BRD1: variants seen among roughly 807,000 people sequenced by gnomAD.
The protein encoded by BRD1 is bromodomain-containing protein 1.
BRD1 carries 24 observed loss-of-function variants against 107.7 expected under a neutral mutation model. That is an observed-to-expected ratio of 0.22 (90% CI 0.16 to 0.31). The LOEUF is 0.31. BRD1 is among the 10% of genes least tolerant of loss of function. The pLI is 1.00. For synonymous variants in BRD1, 744 were observed against 686.1 expected (o/e 1.08, Z -1.32); for missense variants, 1,279 against 1,638.6 (o/e 0.78, Z 3.79).
intron 11 of BRD1, 83 bp downstream of exon 11, chr22:49,775,967 C>T (rs1310626054): frequency 4.4e-5 from 51 of 1,149,936 alleles, no homozygotes; most frequent in Non-Finnish European, 5.9e-5. Context: ...TGGACCACCG[C>T]CGTGAGCCTC....
chr22:49,813,359 G>T (rs1966142410), intron 2 of BRD1, among the ~76,000 whole-genome samples: 1 of 151,948 alleles, frequency 6.6e-6, no homozygotes, highest in African/African-American at 2.4e-5. Flanking sequence ...TAGTAGCTGG[G>T]ACTACAGGTG....
chr22:49,797,716 T>C (rs1395875330), intron 6 of BRD1, 89 bp downstream of exon 6: 5 of 1,382,614 alleles, frequency 3.6e-6, no homozygotes, highest in South Asian at 1.5e-5. Context: ...TCCCGGACCA[T>C]GCTGATAGGG....
chr22:49,775,972 A>G (rs2059089335), intron 11 of BRD1, 78 bp downstream of exon 11: 9 of 1,254,510 alleles, frequency 7.2e-6, no homozygotes, highest in Non-Finnish European at 9.7e-6. Context: ...CACCGCCGTG[A>G]GCCTCCTCGG....
chr22:49,798,653 G>C lies in BRD1; in HGVS notation c.1690C>G (p.Leu564Val). The stretch of plus-strand genomic sequence containing the variant: ...CGCAGCAGCACCGTCAGCGGGGTCA[G>C]CCGCAGCTCCATGGCGACCTGCTCC... ...KVEQVAMELR[L>V]TPLTVLLRSV... The change falls in exon 5 of 13, where the codon CTG becomes GTG. Residue 564 changes from leucine (L) to valine (V), a missense_variant. Leu to Val is a conservative substitution (Grantham distance 32, BLOSUM62 1). Around this residue, in one of 7 missense-constraint regions of BRD1, gnomAD observed 406 missense variants for 519.4 expected, o/e 0.78. Transcript: ENST00000404760. 2 of 1,612,538 alleles carry C rather than the reference G, an allele frequency of 1.2e-6. No homozygotes were observed. Among genetic ancestry groups the C allele is most frequent in the Non-Finnish European group, 1.7e-6 (2 of 1,179,416 alleles).
At chr22:49,793,933 G>A in intron 7 of BRD1, 101 bp downstream of exon 7, 2 of 1,475,206 alleles carry the variant, frequency 1.4e-6, no homozygotes, top group Non-Finnish European at 1.8e-6. Flanking sequence ...GAGCCTCCGT[G>A]CACACCAACG....
chr22:49,784,347 C>A (rs1369458790), intron 8 of BRD1, among the ~76,000 whole-genome samples: 1 of 152,010 alleles, frequency 6.6e-6, no homozygotes, highest in Non-Finnish European at 1.5e-5. Flanking sequence ...AGCACGTGCA[C>A]ACAGAGACTC....
At chr22:49,774,913 T>C (rs1287610134) in intron 12 of BRD1, among the ~76,000 whole-genome samples, 7 of 152,290 alleles carry the variant, frequency 4.6e-5, no homozygotes, top group African/African-American at 1.4e-4. Context: ...AGGCACACCA[T>C]AGGCAGGTGG....
At chr22:49,781,767 A>G (rs890488778) in intron 8 of BRD1, among the ~76,000 whole-genome samples, 2 of 152,284 alleles carry the variant, frequency 1.3e-5, no homozygotes, top group African/African-American at 2.4e-5. Context: ...TCCTGTTTTC[A>G]GTTTCACTTT....
At chr22:49,809,342 C>A (rs1254926883) in intron 2 of BRD1, among the ~76,000 whole-genome samples, 3 of 151,996 alleles carry the variant, frequency 2.0e-5, no homozygotes, top group African/African-American at 7.3e-5. Context: ...GAGTTCAAGA[C>A]CAGCCTAGCC....
In BRD1 at chr22:49,774,151, G is replaced by C. The variant is rs1320184433; in HGVS notation, c.*82C>G. ...ATTAAAGAGCTATAACTAAAAATCAGAATAAGTTAAGTTTTGAACAATATA... is the reference window on the plus strand; with the variant it reads ...ATTAAAGAGCTATAACTAAAAATCACAATAAGTTAAGTTTTGAACAATATA... On this transcript the variant is annotated 3_prime_UTR_variant, in exon 13 of 13. Coordinates refer to ENST00000404760, the MANE Select transcript of BRD1 (RefSeq NM_001304808.3). 1 of 1,441,402 alleles carries C rather than the reference G, an allele frequency of 6.9e-7. No homozygotes were observed. The highest frequency in any genetic ancestry group is 1.4e-5 in the African/African-American group (1 of 69,138). The allele number at this position is 1,441,402 out of a possible 1,614,324, so 89.3% of individuals were successfully genotyped here.
chr22:49,807,566 A>G lies in BRD1; in HGVS notation c.1368-3206T>C, dbSNP rs935802543. ...CAGGACAAGTGGATATGGCCATGCA[A>G]AAGAATGTGAAGTTGGACCTTGCCT... On this transcript the variant is annotated intron_variant, in intron 2 of 12. Coordinates refer to ENST00000404760, the MANE Select transcript of BRD1 (RefSeq NM_001304808.3). 3.3e-5 allele frequency among the ~76,000 whole-genome samples: 5 copies of G among 152,348 alleles called. No individual in the cohort carries two copies. In the South Asian group the frequency reaches 6.2e-4, roughly 19 times the overall value.
At chr22:49,817,165 A>T (rs1169359957) in intron 2 of BRD1, 1 of 152,636 alleles carries the variant, frequency 6.6e-6, no homozygotes, top group East Asian at 1.9e-4. Flanking sequence ...CAGTGCCTCA[A>T]GCTCCAGGAA....
Position 49,783,407 on chromosome 22 carries a change from T to A in BRD1, c.2857+3983A>T, listed in dbSNP as rs2059254371. ...CAGAAATACAGAAGATGCTAGCGAG[T>A]GAGTGAGCACGCACTGTCCATGCCA... On this transcript the variant is annotated intron_variant, in intron 8 of 12. Coordinates refer to ENST00000404760, the MANE Select transcript of BRD1 (RefSeq NM_001304808.3). The surrounding 1 kb of genome is among the most constrained non-coding windows in gnomAD (Gnocchi z 4.2). Among the ~76,000 whole-genome samples the A allele has an allele frequency of 6.6e-6, 1 of 151,934 alleles. No individual in the cohort carries two copies. Among genetic ancestry groups the A allele is most frequent in the Non-Finnish European group, 1.5e-5 (1 of 67,962 alleles).
intron 8 of BRD1, among the ~76,000 whole-genome samples, chr22:49,781,266 C>A (rs1245259021): frequency 2.0e-5 from 3 of 152,220 alleles, no homozygotes; most frequent in Admixed American, 2.0e-4. Flanking sequence ...TCCCCGGAAG[C>A]CTGCCCGTCA....
At chr22:49,812,999 C>T (rs936662515) in intron 2 of BRD1, among the ~76,000 whole-genome samples, 10 of 152,200 alleles carry the variant, frequency 6.6e-5, no homozygotes, top group Admixed American at 4.6e-4. Flanking sequence ...TCACAGCTGG[C>T]CTGAGACCAG....
chr22:49,814,998 A>G (rs879522628), intron 2 of BRD1, among the ~76,000 whole-genome samples: 2 of 152,196 alleles, frequency 1.3e-5, no homozygotes, highest in African/African-American at 4.8e-5. Context: ...TAGGGGTGGG[A>G]ATGACATGGT....
chr22:49,777,210 G>A, intron 9 of BRD1, 49 bp from the exon 10 acceptor site: 2 of 1,601,932 alleles, frequency 1.2e-6, no homozygotes, highest in Non-Finnish European at 1.7e-6. Context: ...CCTGCCTTCA[G>A]CCTCACTCGG....
chr22:49,793,939 C>T, intron 7 of BRD1, 95 bp downstream of exon 7: 2 of 1,501,468 alleles, frequency 1.3e-6, no homozygotes, highest in Non-Finnish European at 1.8e-6. Flanking sequence ...CCGTGCACAC[C>T]AACGCTGCTG....
In BRD1 at chr22:49,804,319, T is replaced by C; in HGVS notation, c.1409A>G (p.Lys470Arg). 1 of 1,609,666 alleles carries C rather than the reference T, an allele frequency of 6.2e-7. No individual in the cohort carries two copies. The highest frequency in any genetic ancestry group is 8.5e-7 in the Non-Finnish European group (1 of 1,177,688). Residue 470 changes from lysine to arginine, a missense_variant, in exon 3 of 13, where the codon AAG becomes AGG. Transcript: ENST00000404760. ...GCTGTGGGCTCGCTCCACAAACTGC[T>C]TCTTCCGCTGAATGGCCACCTGATT... ...IANQVAIQRK[K>R]QFVERAHSYW...
Sources: allele counts gnomAD v4.1 joint callset (sites outside exome capture counted in the v4.1 genomes callset), GRCh38; gene constraint gnomAD v4.1.1; regional missense constraint gnomAD v4.1.1; non-coding constraint Gnocchi (gnomAD v3.1); transcripts MANE v1.5; gene names NCBI Gene and HGNC (gene_info 2026-07-23, HGNC 2026-07-21).